The following USP39 variants were observed in gnomAD, a reference collection of about 807,000 sequenced individuals.
USP39 encodes ubiquitin carboxyl-terminal hydrolase 39.
USP39 carries 38 observed loss-of-function variants against 66.4 expected under a neutral mutation model. That is an observed-to-expected ratio of 0.57 (90% CI 0.44 to 0.75). The LOEUF is 0.75. Among genes scored for constraint, USP39 ranks in the 30% least tolerant of loss-of-function variants. The probability of loss-of-function intolerance (pLI) is 0.00; values close to 1 mark genes in which losing one functional copy is unlikely to be tolerated. For missense variants in USP39, 608 were observed against 714.4 expected (o/e 0.85, Z 1.70); for synonymous variants, 303 against 274.6 (o/e 1.10, Z -1.02).
rs778702832 is a variant in USP39, at chr2:85,645,094, G to A, written c.1563+11G>A. Reference sequence around the variant, plus strand: ...CACGTGCTTCATCATGTGAGTGGCTGCTGACCGTCTCATGGCACAGAGTGG... The same window carrying A: ...CACGTGCTTCATCATGTGAGTGGCTACTGACCGTCTCATGGCACAGAGTGG... On this transcript the variant is annotated intron_variant, in intron 11 of 12. Transcript: ENST00000323701. The A allele has an allele frequency of 8.7e-6, 14 of 1,613,914 alleles. No homozygotes were observed. Among genetic ancestry groups the A allele is most frequent in the Non-Finnish European group, 8.5e-7 (1 of 1,179,970 alleles).
chr2:85,619,870 T>C (rs1174502912), intron 2 of USP39, among the ~76,000 whole-genome samples: 3 of 151,840 alleles, frequency 2.0e-5, no homozygotes, highest in Non-Finnish European at 4.4e-5. Flanking sequence ...CTTTTTTTTT[T>C]TGAGATGGAG....
chr2:85,627,421 A>G (rs1674958241), intron 5 of USP39, among the ~76,000 whole-genome samples: 1 of 151,914 alleles, frequency 6.6e-6, no homozygotes, highest in African/African-American at 2.4e-5. Flanking sequence ...TAAGTATAAT[A>G]AGAAAACAAT....
intron 2 of USP39, 141 bp downstream of exon 2, chr2:85,619,430 A>C: frequency 1.3e-6 from 1 of 784,744 alleles, no homozygotes. Context: ...TTGCCATGTT[A>C]CTCCTTATTC....
chr2:85,608,984 A>G (rs1673327392), upstream of USP39: 1 of 1,614,262 alleles, frequency 6.2e-7, no homozygotes. Context: ...CCTCCTGGAT[A>G]CGCAACTTGA....
rs1004825349 is a variant in USP39, at chr2:85,621,284, G to C, written c.339-201G>C. On this transcript the variant is annotated intron_variant, in intron 2 of 12. Coordinates refer to ENST00000323701, the MANE Select transcript of USP39 (RefSeq NM_006590.4). The stretch of plus-strand genomic sequence containing the variant: ...AGAGGCTCGTGGGTATTATGTGTCT[G>C]GTGGAGACACCTCAACAGTGCTTTG... 8 of 515,502 alleles carry C rather than the reference G, an allele frequency of 1.6e-5. No homozygotes were observed. The East Asian group carries it at 2.5e-4, about 16-fold the overall frequency. The allele number at this position is 515,502 out of a possible 1,614,324, so 31.9% of individuals were successfully genotyped here.
In USP39 at chr2:85,616,915, C is replaced by A. The variant is rs181893148; in HGVS notation, c.268+452C>A. ...TCGTGTTAGCCAGGATGGTCTCGAT[C>A]TCCTGACTTCGTGATCCGCCCGCCT... On this transcript the variant is annotated intron_variant, in intron 1 of 12. Coordinates refer to ENST00000323701, the MANE Select transcript of USP39 (RefSeq NM_006590.4). 5.7e-3 allele frequency among the ~76,000 whole-genome samples: 860 copies of A among 151,992 alleles called. 6 individuals are homozygous for A. Among genetic ancestry groups the A allele is most frequent in the Non-Finnish European group, 9.2e-3 (622 of 67,956 alleles).
At chr2:85,638,732 T>C (rs1196031398) in intron 8 of USP39, among the ~76,000 whole-genome samples, 1 of 151,990 alleles carries the variant, frequency 6.6e-6, no homozygotes, top group East Asian at 1.9e-4. Context: ...AGACGGGGTT[T>C]CTCCGTGTTG....
intron 11 of USP39, among the ~76,000 whole-genome samples, chr2:85,645,489 G>T (rs1384145299): frequency 6.6e-6 from 1 of 152,048 alleles, no homozygotes; most frequent in Non-Finnish European, 1.5e-5. Context: ...TTACGATCTT[G>T]GCCAGGCCAG....
rs1674249507 is a variant in USP39 at position 85,619,170 on chromosome 2, C to T, written c.269-50C>T. On this transcript the variant is annotated intron_variant, in intron 1 of 12. Transcript: ENST00000323701. ...TTCTTTTTTTGTTCTGTTAGTTGGC[C>T]CTGAGTATAGGTTTCCCATTTTCAA... 3.1e-6 allele frequency: 5 copies of T among 1,594,726 alleles called. No homozygotes were observed. In the South Asian group the frequency reaches 5.6e-5, roughly 18 times the overall value.
chr2:85,630,891 G>C lies in USP39; in HGVS notation c.894G>C (p.Glu298Asp). 1.2e-6 allele frequency: 2 copies of C among 1,614,210 alleles called. No homozygotes were observed. The highest frequency in any genetic ancestry group is 1.7e-6 in the Non-Finnish European group (2 of 1,180,046). Residue 298 changes from glutamate to aspartate, a missense_variant, in exon 6 of 13, where the codon GAG becomes GAC. Transcript: ENST00000323701. ...RNFKAHVSPH[E>D]MLQAVVLCSK... ...TCAAGGCACATGTGTCTCCCCATGA[G>C]ATGCTTCAGGCAGTTGTACTTTGCA...
chr2:85,640,107 A>G (rs1268547981), intron 9 of USP39, among the ~76,000 whole-genome samples: 1 of 152,036 alleles, frequency 6.6e-6, no homozygotes, highest in Non-Finnish European at 1.5e-5. Context: ...CCTGGCCTCA[A>G]GGGATCCTCC....
intron 3 of USP39, among the ~76,000 whole-genome samples, 176 bp from the exon 4 acceptor site, chr2:85,623,470 T>C (rs1674616540): frequency 6.6e-6 from 1 of 152,074 alleles, no homozygotes; most frequent in South Asian, 2.1e-4. Flanking sequence ...CTAGTCTTTC[T>C]TGCTAATTTT....
At chr2:85,642,076 CAT>C (rs1676276694) in intron 10 of USP39, among the ~76,000 whole-genome samples, 1 of 152,076 alleles carries the variant, frequency 6.6e-6, no homozygotes, top group Admixed American at 6.6e-5. Flanking sequence ...TATGTTCTCT[CAT>C]AGATAAAATG....
At chr2:85,621,633 T>C (rs960749941) in intron 3 of USP39, 54 bp downstream of exon 3, 1 of 1,446,644 alleles carries the variant, frequency 6.9e-7, no homozygotes, top group Non-Finnish European at 9.5e-7. Context: ...ACTTTTTTTT[T>C]TTTTTTAAAG....
At chr2:85,635,343 T>G (rs1464845573) in intron 6 of USP39, among the ~76,000 whole-genome samples, 1 of 152,148 alleles carries the variant, frequency 6.6e-6, no homozygotes, top group Admixed American at 6.5e-5. Flanking sequence ...GAGGATCACT[T>G]GAGGTCAAGA....
intron 6 of USP39, among the ~76,000 whole-genome samples, chr2:85,633,409 C>T (rs1044753964): frequency 6.6e-6 from 1 of 152,190 alleles, no homozygotes; most frequent in African/African-American, 2.4e-5. Context: ...AGGTGTGAAC[C>T]ACCATGCCCG....
At chr2:85,617,222 G>C (rs1051815463) in intron 1 of USP39, among the ~76,000 whole-genome samples, 7 of 151,450 alleles carry the variant, frequency 4.6e-5, no homozygotes, top group South Asian at 2.1e-4. Flanking sequence ...CCAAAGTGCT[G>C]GGTTTACAGG....
In USP39 at chr2:85,647,670, A is replaced by C. The variant is rs542721177; in HGVS notation, c.1564-260A>C. Reference sequence around the variant, plus strand: ...TGAGACCCTGTCTCAAAAAAAAAAAAAAACAAAAAAACAACAAACAAAAAA... The same window carrying C: ...TGAGACCCTGTCTCAAAAAAAAAAACAAACAAAAAAACAACAAACAAAAAA... On this transcript the variant is annotated intron_variant, in intron 11 of 12. Transcript: ENST00000323701. Among the ~76,000 whole-genome samples, 5 of 152,070 alleles carry C rather than the reference A, an allele frequency of 3.3e-5. No homozygotes were observed. In the East Asian group the frequency reaches 9.7e-4, roughly 29 times the overall value.
intron 4 of USP39, among the ~76,000 whole-genome samples, chr2:85,624,257 C>T (rs1197685889): frequency 2.0e-5 from 3 of 152,138 alleles, no homozygotes; most frequent in African/African-American, 7.2e-5. Context: ...ATGGAAAGTC[C>T]TCTTGGGTTT....
Sources: allele counts gnomAD v4.1 joint callset (sites outside exome capture counted in the v4.1 genomes callset), GRCh38; gene constraint gnomAD v4.1.1; transcripts MANE v1.5; gene names NCBI Gene and HGNC (gene_info 2026-07-23, HGNC 2026-07-21).